The following NAALADL2 variants were observed in gnomAD, a reference collection of about 807,000 sequenced individuals.
The protein encoded by NAALADL2 is N-acetylated alpha-linked acidic dipeptidase like 2.
Under a neutral mutation model 87.2 loss-of-function variants are expected in NAALADL2, and 76 were observed. The ratio of observed to expected loss-of-function variants is 0.87; its 90% CI spans 0.72 to 1.05. The LOEUF (loss-of-function observed/expected upper bound fraction) is 1.05, where lower values mean the gene tolerates loss of function less well. Ranked by LOEUF, NAALADL2 falls within the 50% of genes least tolerant of loss-of-function variation. The probability of loss-of-function intolerance (pLI) is 0.00; values close to 1 mark genes in which losing one functional copy is unlikely to be tolerated. For synonymous variants in NAALADL2, 354 were observed against 331.0 expected (o/e 1.07, Z -0.75); for missense variants, 1,089 against 945.8 (o/e 1.15, Z -1.99).
At chr3:175,745,861 A>C (rs1166386335) in intron 12 of NAALADL2, among the ~76,000 whole-genome samples, 1 of 152,230 alleles carries the variant, frequency 6.6e-6, no homozygotes, top group Non-Finnish European at 1.5e-5. Flanking sequence ...CAGCACTTTA[A>C]AACAATTAAT....
chr3:175,058,429 A>G (rs921402547), intron 1 of NAALADL2, among the ~76,000 whole-genome samples: 2 of 152,214 alleles, frequency 1.3e-5, no homozygotes, highest in African/African-American at 2.4e-5. Flanking sequence ...TAGGCACTGA[A>G]CAAGTCTCTA....
intron 2 of NAALADL2, among the ~76,000 whole-genome samples, chr3:175,105,487 ATGTATG>A (rs1381309111): frequency 3.2e-5 from 4 of 126,758 alleles, no homozygotes; most frequent in East Asian, 2.5e-4. Flanking sequence ...ATGGCTATGT[ATGTATG>A]TGTGTGTATA....
rs1257291112 is a variant in NAALADL2 at position 174,484,754 on chromosome 3, TTACATTA to T, written c.-184+43724_-184+43730del. On this transcript the variant is annotated intron_variant, in intron 1 of 3. Coordinates refer to the NAALADL2 transcript ENST00000434257. ...ACGGATTTAATGTGTCGAGTGTGATTTACATTATGGTATAGCTCCTATAGGCAGTATT... is the reference window on the plus strand; with the variant it reads ...ACGGATTTAATGTGTCGAGTGTGATTTGGTATAGCTCCTATAGGCAGTATT... Among the ~76,000 whole-genome samples the T allele has an allele frequency of 2.0e-4, 9 of 44,272 alleles. 2 individuals carry two copies. The highest frequency in any genetic ancestry group is 6.5e-4 in the Admixed American group (2 of 3,068). 29.0% of individuals were successfully genotyped at this position (44,272 alleles called of 152,430 possible). A position where few individuals can be genotyped will look rare whatever the true frequency, so the allele number is the denominator to read the frequency against.
intron 9 of NAALADL2, among the ~76,000 whole-genome samples, chr3:175,510,203 G>A (rs1317243784): frequency 1.3e-5 from 2 of 152,082 alleles, no homozygotes; most frequent in Non-Finnish European, 2.9e-5. Context: ...AAAACCATCA[G>A]ATCTCATGAG....
chr3:175,362,798 A>G (rs1334698780), intron 5 of NAALADL2, among the ~76,000 whole-genome samples: 3 of 148,024 alleles, frequency 2.0e-5, no homozygotes, highest in Non-Finnish European at 4.5e-5. Flanking sequence ...CATTCCCGCC[A>G]GCAGTGTAGA....
At chr3:174,646,386 G>C (rs1723782385) in intron 2 of NAALADL2, among the ~76,000 whole-genome samples, 1 of 152,108 alleles carries the variant, frequency 6.6e-6, no homozygotes, top group African/African-American at 2.4e-5. Context: ...CTTTTATTTT[G>C]CTTTCTAGTT....
Position 175,393,280 on chromosome 3 carries a change from C to CAAAAA in NAALADL2, c.1091-53917_1091-53913dup, listed in dbSNP as rs775778803. On this transcript the variant is annotated intron_variant, in intron 5 of 13. Transcript: ENST00000454872. ...TGGGCGACAGAGCGAGACTCCGTCT[C>CAAAAA]AAAAAAAAAAAAAAAAAAAAAAAAA... is the stretch of plus-strand genomic sequence containing the variant. Among the ~76,000 whole-genome samples, 245 of 29,524 alleles carry CAAAAA rather than the reference C, an allele frequency of 8.3e-3. 67 individuals are homozygous for CAAAAA. The highest frequency in any genetic ancestry group is 0.011 in the Non-Finnish European group (200 of 17,552). The allele number at this position is 29,524 out of a possible 152,430, so 19.4% of individuals were successfully genotyped here. A position where few individuals can be genotyped will look rare whatever the true frequency, so the allele number is the denominator to read the frequency against.
At chr3:175,703,506 GCCGAGGCGGGCGGATCA>G (rs1177004440) in intron 11 of NAALADL2, among the ~76,000 whole-genome samples, 2 of 152,172 alleles carry the variant, frequency 1.3e-5, no homozygotes, top group Non-Finnish European at 2.9e-5. Context: ...ACTTTGGGAG[GCCGAGGCGGGCGGATCA>G]CCTGAGGTCA....
At chr3:174,810,906 C>A (rs1667392730) in intron 3 of NAALADL2, among the ~76,000 whole-genome samples, 1 of 152,192 alleles carries the variant, frequency 6.6e-6, no homozygotes, top group Non-Finnish European at 1.5e-5. Flanking sequence ...TAGGGCCCTG[C>A]CACCCTGTGC....
At chr3:175,157,043 G>A (rs891706215) in intron 2 of NAALADL2, among the ~76,000 whole-genome samples, 13 of 151,772 alleles carry the variant, frequency 8.6e-5, no homozygotes, top group African/African-American at 2.7e-4. Context: ...AGAAATCCTA[G>A]CTTTCAAATC....
chr3:174,648,041 C>T (rs758642245), intron 2 of NAALADL2, among the ~76,000 whole-genome samples: 1 of 152,088 alleles, frequency 6.6e-6, no homozygotes, highest in South Asian at 2.1e-4. Context: ...TACAATAGTC[C>T]CCACTGTCCA....
rs761209695 is a variant in NAALADL2 at position 175,234,187 on chromosome 3, G to T, written c.802G>T (p.Ala268Ser). 2 of 1,613,484 alleles carry T rather than the reference G, an allele frequency of 1.2e-6. No homozygotes were observed. Among genetic ancestry groups the T allele is most frequent in the Non-Finnish European group, 1.7e-6 (2 of 1,179,652 alleles). ...DLLYSYAAYSAKGTLKAEVID... is the reference protein window; with the variant it reads ...DLLYSYAAYSSKGTLKAEVID... ...GCTCTATTCATATGCAGCCTATTCT[G>T]CCAAAGGAACTCTCAAGGTAATATG... Residue 268 changes from alanine to serine, a missense_variant, in exon 3 of 14, where the codon GCC (alanine) becomes TCC (serine). Physicochemically the swap from Ala to Ser is moderately conservative, Grantham distance 99 (BLOSUM62 1). Transcript: ENST00000454872.
At chr3:174,931,984 ATG>A (rs1458554208) in intron 1 of NAALADL2, among the ~76,000 whole-genome samples, 1 of 152,208 alleles carries the variant, frequency 6.6e-6, no homozygotes, top group South Asian at 2.1e-4. Flanking sequence ...AACAATTTTT[ATG>A]TGTTTTTAAT....
intron 1 of NAALADL2, among the ~76,000 whole-genome samples, chr3:174,983,756 T>C (rs559715100): frequency 6.6e-6 from 1 of 152,274 alleles, no homozygotes; most frequent in South Asian, 2.1e-4. Context: ...TTTCAACATA[T>C]TAATTTTAAG....
At chr3:174,778,246 A>G (rs1343653998) in intron 3 of NAALADL2, among the ~76,000 whole-genome samples, 4 of 152,078 alleles carry the variant, frequency 2.6e-5, no homozygotes, top group African/African-American at 9.7e-5. Flanking sequence ...TAATGGGGAT[A>G]TTCAGCTTGG....
chr3:175,797,123 G>A (rs1014063858), intron 13 of NAALADL2, among the ~76,000 whole-genome samples: 13 of 151,982 alleles, frequency 8.6e-5, no homozygotes, highest in Middle Eastern at 6.3e-3. Context: ...TATAATGAGT[G>A]ATGTGTGTTG....
At chr3:174,777,511 T>G (rs1162568066) in intron 3 of NAALADL2, among the ~76,000 whole-genome samples, 1 of 152,096 alleles carries the variant, frequency 6.6e-6, no homozygotes, top group Non-Finnish European at 1.5e-5. Flanking sequence ...TTGCTACAAT[T>G]TTTACTTAAA....
At chr3:175,274,035 G>T (rs549510891) in intron 4 of NAALADL2, among the ~76,000 whole-genome samples, 1 of 151,994 alleles carries the variant, frequency 6.6e-6, no homozygotes, top group South Asian at 2.1e-4. Context: ...ATATAATTTT[G>T]TATTAATCTG....
chr3:175,185,320 T>C (rs1737174283), intron 2 of NAALADL2, among the ~76,000 whole-genome samples: 1 of 152,062 alleles, frequency 6.6e-6, no homozygotes, highest in Non-Finnish European at 1.5e-5. Flanking sequence ...CTTGTCTACA[T>C]ATGCACAAGA....
Sources: gnomAD v4.1 joint callset for allele counts (sites outside exome capture counted in the v4.1 genomes callset) on GRCh38, gnomAD v4.1.1 for gene constraint, MANE v1.5 for transcripts, NCBI Gene and HGNC (gene_info 2026-07-23, HGNC 2026-07-21) for gene names.